Variants in PTPRN2 observed in about 807,000 individuals in gnomAD.
PTPRN2 encodes the protein protein tyrosine phosphatase receptor type N2, also known as receptor-type tyrosine-protein phosphatase N2.
Under a neutral mutation model 118.8 loss-of-function variants are expected in PTPRN2, and 74 were observed. The ratio of observed to expected loss-of-function variants is 0.62; its 90% CI spans 0.52 to 0.76. PTPRN2 has a LOEUF of 0.76. Among genes scored for constraint, PTPRN2 ranks in the 30% least tolerant of loss-of-function variants. PTPRN2 has a pLI of 0.00. For synonymous variants in PTPRN2, 641 were observed against 608.0 expected (o/e 1.05, Z -0.80); for missense variants, 1,481 against 1,394.4 (o/e 1.06, Z -0.99).
At chr7:157,838,358 G>A (rs1808131923) in intron 12 of PTPRN2, among the ~76,000 whole-genome samples, 3 of 149,634 alleles carry the variant, frequency 2.0e-5, no homozygotes, top group South Asian at 2.1e-4. Flanking sequence ...CGTAGTGGAT[G>A]GCATGGGAGA....
chr7:157,900,215 G>A (rs925791288), intron 11 of PTPRN2, among the ~76,000 whole-genome samples: 7 of 152,312 alleles, frequency 4.6e-5, no homozygotes, highest in South Asian at 2.1e-4. Context: ...GGTCAGGCTC[G>A]GCAGGCCCAC....
chr7:157,542,457 C>T (rs932532645), intron 22 of PTPRN2, among the ~76,000 whole-genome samples: 3 of 151,176 alleles, frequency 2.0e-5, no homozygotes, highest in Non-Finnish European at 4.4e-5. Context: ...GAAGCGCTGC[C>T]GCCCCGCAGC....
chr7:157,960,696 GAAAAAC>G (rs958043535), intron 11 of PTPRN2, among the ~76,000 whole-genome samples: 9 of 152,176 alleles, frequency 5.9e-5, no homozygotes, highest in Non-Finnish European at 8.8e-5. Flanking sequence ...AATGATAAAT[GAAAAAC>G]AAAAACAAAA....
At chr7:158,175,563 G>A (rs901584252) in intron 5 of PTPRN2, among the ~76,000 whole-genome samples, 1 of 152,134 alleles carries the variant, frequency 6.6e-6, no homozygotes, top group Non-Finnish European at 1.5e-5. Flanking sequence ...CGTGTGGAGG[G>A]GAAATAATTG....
At chr7:157,691,187 C>T (rs1021764079) in intron 12 of PTPRN2, among the ~76,000 whole-genome samples, 1 of 151,758 alleles carries the variant, frequency 6.6e-6, no homozygotes, top group Non-Finnish European at 1.5e-5. Context: ...GGTACAACGC[C>T]GAAGCCAGGG....
At chr7:158,218,420 T>C (rs1336451815) in intron 3 of PTPRN2, among the ~76,000 whole-genome samples, 1 of 152,092 alleles carries the variant, frequency 6.6e-6, no homozygotes, top group African/African-American at 2.4e-5. Flanking sequence ...TTAGACCCGC[T>C]TTACAAAGGT....
At chr7:157,778,200 C>A (rs1207481973) in intron 12 of PTPRN2, among the ~76,000 whole-genome samples, 1 of 152,198 alleles carries the variant, frequency 6.6e-6, no homozygotes, top group Non-Finnish European at 1.5e-5. Context: ...AAAGCCAACG[C>A]TCCGCCTGCA....
At chr7:158,116,506 A>C (rs1188317923) in intron 9 of PTPRN2, among the ~76,000 whole-genome samples, 1 of 152,252 alleles carries the variant, frequency 6.6e-6, no homozygotes, top group Non-Finnish European at 1.5e-5. Flanking sequence ...GCAGCTGTGC[A>C]CATGTTCCTG....
At chr7:158,401,122 G>C (rs1431683581) in intron 2 of PTPRN2, among the ~76,000 whole-genome samples, 2 of 152,138 alleles carry the variant, frequency 1.3e-5, no homozygotes, top group Non-Finnish European at 2.9e-5. Context: ...GCCTGATGAC[G>C]GAGGCAGCAG....
chr7:158,312,814 C>A (rs899983315), intron 3 of PTPRN2, among the ~76,000 whole-genome samples: 3 of 151,182 alleles, frequency 2.0e-5, no homozygotes, highest in African/African-American at 7.3e-5. Context: ...CACGTGCTCA[C>A]GTGTAGATAT....
At chr7:158,019,344 A>G (rs565850872) in intron 11 of PTPRN2, among the ~76,000 whole-genome samples, 8 of 152,398 alleles carry the variant, frequency 5.2e-5, no homozygotes, top group African/African-American at 1.9e-4. Flanking sequence ...GTAATTAAAT[A>G]GCACATGGAT....
chr7:157,746,619 TGCCAACA>T (rs2150972568), intron 12 of PTPRN2, among the ~76,000 whole-genome samples: 1 of 135,586 alleles, frequency 7.4e-6, no homozygotes, highest in African/African-American at 2.8e-5. Flanking sequence ...GTCCTCACGG[TGCCAACA>T]GCATAGAGAT....
At chr7:157,992,372 G>C (rs1011659834) in intron 11 of PTPRN2, among the ~76,000 whole-genome samples, 2 of 152,192 alleles carry the variant, frequency 1.3e-5, no homozygotes, top group Non-Finnish European at 1.5e-5. Flanking sequence ...AATCGCCATG[G>C]CCACGGAGTC....
chr7:158,467,603 A>C (rs1819486376), intron 2 of PTPRN2, among the ~76,000 whole-genome samples: 1 of 152,108 alleles, frequency 6.6e-6, no homozygotes, highest in African/African-American at 2.4e-5. Flanking sequence ...TCTTTAACCA[A>C]TTTTGGGCAG....
At chr7:158,091,949 C>A (rs11973953) in intron 10 of PTPRN2, among the ~76,000 whole-genome samples, 836 of 5,702 alleles carry the variant, frequency 0.15, no homozygotes, top group Non-Finnish European at 0.18. Context: ...GGTGAGGGAT[C>A]GGTGATAGAT....
At chr7:158,220,701 G>A (rs573519439) in intron 3 of PTPRN2, among the ~76,000 whole-genome samples, 59 of 151,824 alleles carry the variant, frequency 3.9e-4, no homozygotes, top group Middle Eastern at 3.4e-3. Flanking sequence ...AAAAAACACT[G>A]CAGAGATAAT....
chr7:158,071,420 G>A (rs1188807165), intron 11 of PTPRN2, among the ~76,000 whole-genome samples: 8 of 119,168 alleles, frequency 6.7e-5, no homozygotes, highest in South Asian at 2.9e-4. Flanking sequence ...TGCTCCTGGT[G>A]GTGGAGGTGC....
intron 11 of PTPRN2, among the ~76,000 whole-genome samples, chr7:158,032,797 A>G (rs895513969): frequency 2.6e-5 from 4 of 152,166 alleles, no homozygotes; most frequent in African/African-American, 9.7e-5. Flanking sequence ...CAGGACCACA[A>G]CGGCCCCACG....
intron 11 of PTPRN2, among the ~76,000 whole-genome samples, chr7:157,923,016 C>T (rs1798772290): frequency 6.6e-6 from 1 of 152,194 alleles, no homozygotes; most frequent in Admixed American, 6.5e-5. Context: ...TTAATAAAGA[C>T]CCCAGAGGCT....
Sources: gnomAD v4.1 joint callset for allele counts (sites outside exome capture counted in the v4.1 genomes callset) on GRCh38, gnomAD v4.1.1 for gene constraint, MANE v1.5 for transcripts, NCBI Gene and HGNC (gene_info 2026-07-23, HGNC 2026-07-21) for gene names.